The following PNPLA1 variants were observed in gnomAD, a reference collection of about 807,000 sequenced individuals.
PNPLA1 encodes patatin like domain 1, omega-hydroxyceramide transacylase.
Under a neutral mutation model 51.7 loss-of-function variants are expected in PNPLA1, and 36 were observed. That is an observed-to-expected ratio of 0.70 (90% CI 0.53 to 0.92). The LOEUF (loss-of-function observed/expected upper bound fraction) is 0.92, where lower values mean the gene tolerates loss of function less well. Among genes scored for constraint, PNPLA1 ranks in the 40% least tolerant of loss-of-function variants. PNPLA1 has a pLI of 0.00. For synonymous variants in PNPLA1, 293 were observed against 280.1 expected, an observed-to-expected ratio of 1.05 and a Z score of -0.46; for missense variants, 658 against 682.5, an observed-to-expected ratio of 0.96 and a Z score of 0.40.
At chr6:36,263,433 A>G (rs1769695915) in intron 1 of PNPLA1, among the ~76,000 whole-genome samples, 1 of 152,238 alleles carries the variant, frequency 6.6e-6, no homozygotes, top group Non-Finnish European at 1.5e-5. Flanking sequence ...AATGATGCCT[A>G]GCTTCACCAA....
intron 1 of PNPLA1, among the ~76,000 whole-genome samples, chr6:36,261,004 C>T (rs548865672): frequency 5.9e-5 from 9 of 151,966 alleles, no homozygotes; most frequent in Non-Finnish European, 1.2e-4. Context: ...TTTGTGTGTG[C>T]GTTTTGTAGA....
chr6:36,270,402 G>GCA lies in PNPLA1; in HGVS notation c.-58_-57insCA. On this transcript the variant is annotated 5_prime_UTR_variant, in exon 1 of 9. Coordinates refer to ENST00000636260, the MANE Select transcript of PNPLA1 (RefSeq NM_001374623.1). The stretch of plus-strand genomic sequence containing the variant: ...CTACAGGGAGCGGCAGCCCAGGCTC[G>GCA]GGCAGGCAAGTGCTGAAGGGTGGCT... The GCA allele has an allele frequency of 1.3e-6, 2 of 1,530,272 alleles. No homozygotes were observed. The highest frequency in any genetic ancestry group is 1.8e-6 in the Non-Finnish European group (2 of 1,129,994). 94.8% of individuals were successfully genotyped at this position (1,530,272 alleles called of 1,614,324 possible).
intron 1 of PNPLA1, among the ~76,000 whole-genome samples, chr6:36,286,601 G>C (rs1234032478): frequency 6.6e-6 from 1 of 151,934 alleles, no homozygotes; most frequent in African/African-American, 2.4e-5. Flanking sequence ...ATTTAAAAAA[G>C]AAAGACTCTC....
intron 1 of PNPLA1, among the ~76,000 whole-genome samples, chr6:36,246,414 C>G (rs192505557): frequency 9.6e-4 from 146 of 152,254 alleles, no homozygotes; most frequent in Non-Finnish European, 1.6e-3. Flanking sequence ...GTTGCCCAGG[C>G]CGATCTTGAA....
intron 1 of PNPLA1, among the ~76,000 whole-genome samples, chr6:36,281,045 C>G (rs1295257948): frequency 1.3e-5 from 2 of 152,178 alleles, no homozygotes; most frequent in African/African-American, 4.8e-5. Flanking sequence ...CGCCTGCCTC[C>G]GGCTCCCACA....
chr6:36,295,492 G>T, intron 5 of PNPLA1, 68 bp downstream of exon 5: 1 of 1,495,754 alleles, frequency 6.7e-7, no homozygotes, highest in Non-Finnish European at 9.3e-7. Context: ...CAGTAGAAGG[G>T]CTGAATGGAG....
At chr6:36,302,515 C>T (rs1403119018) in intron 6 of PNPLA1, 46 bp downstream of exon 6, 1 of 1,511,670 alleles carries the variant, frequency 6.6e-7, no homozygotes, top group South Asian at 1.3e-5. Flanking sequence ...GCCTGGAGCC[C>T]CTTGGCAAGC....
chr6:36,249,921 C>T (rs111297085), intron 1 of PNPLA1, among the ~76,000 whole-genome samples: 3,913 of 152,232 alleles, frequency 0.026, 75 homozygotes, highest in Non-Finnish European at 0.039. Context: ...GAACAGAAAA[C>T]GTGGTCAATA....
At chr6:36,287,606 C>A (rs1369881746) in intron 1 of PNPLA1, among the ~76,000 whole-genome samples, 1 of 152,146 alleles carries the variant, frequency 6.6e-6, no homozygotes, top group Non-Finnish European at 1.5e-5. Flanking sequence ...CAGCACCCAG[C>A]AATTGCTGTG....
chr6:36,291,597 G>GGGGGGGGGGA, intron 2 of PNPLA1, 45 bp downstream of exon 2: 1 of 532,586 alleles, frequency 1.9e-6, no homozygotes, highest in Non-Finnish European at 3.4e-6. Context: ...GGGGGCGGGG[G>GGGGGGGGGGA]AGGGCGGCTC....
chr6:36,261,718 G>A (rs7775107), intron 1 of PNPLA1, among the ~76,000 whole-genome samples: 64,362 of 152,030 alleles, frequency 0.42, 13,950 homozygotes, highest in East Asian at 0.56. Flanking sequence ...AGGCAAGTTT[G>A]ATTATTTTCC....
rs749091208 is a variant in PNPLA1, at chr6:36,307,674, A to G, written c.1557A>G (p.Pro519=). Residue 519 remains proline (P), a synonymous_variant, in exon 8 of 9, where the codon CCA becomes CCG. Transcript: ENST00000636260. The stretch of plus-strand genomic sequence containing the variant: ...CAAGTGGCACCAGAAAAGGCTTCCC[A>G]AGACATTCGGGATCCAAAAAACCAA... ...QKTSGTRKGF[P]RHSGSKKPSS... 20 of 1,613,968 alleles carry G rather than the reference A, an allele frequency of 1.2e-5. No individual in the cohort carries two copies. The Admixed American group carries it at 3.0e-4, about 24-fold the overall frequency.
At chr6:36,308,103 A>C (rs1165716475) in intron 8 of PNPLA1, 1 of 156,034 alleles carries the variant, frequency 6.4e-6, no homozygotes, top group African/African-American at 2.4e-5. Context: ...CAGGCCAGGC[A>C]TGGTGGCTCA....
rs185040013 is a variant in PNPLA1, at chr6:36,252,907, G to A, written c.-81+9646G>A. Among the ~76,000 whole-genome samples, 242 of 152,318 alleles carry A rather than the reference G, an allele frequency of 1.6e-3. 3 individuals are homozygous for A. The highest frequency in any genetic ancestry group is 4.7e-3 in the African/African-American group (197 of 41,568). ...GACGAAAGGCAATAGAGGGCCGGGCGTGGTGGCTCACGCCTGTAATTCCAG... is the reference window on the plus strand; with the variant it reads ...GACGAAAGGCAATAGAGGGCCGGGCATGGTGGCTCACGCCTGTAATTCCAG... On this transcript the variant is annotated intron_variant, in intron 1 of 7. Transcript: ENST00000312917.
intron 1 of PNPLA1, among the ~76,000 whole-genome samples, chr6:36,273,344 G>T (rs1424080109): frequency 6.6e-6 from 1 of 152,050 alleles, no homozygotes; most frequent in African/African-American, 2.4e-5. Flanking sequence ...CCCTCCTCTA[G>T]CCAGTGTTAA....
chr6:36,261,591 C>T (rs771072508), intron 1 of PNPLA1, among the ~76,000 whole-genome samples: 7 of 152,258 alleles, frequency 4.6e-5, no homozygotes, highest in Middle Eastern at 3.2e-3. Context: ...TCTTCGTGCA[C>T]TGACCATATC....
At chr6:36,285,807 C>G (rs1407754551) in intron 1 of PNPLA1, among the ~76,000 whole-genome samples, 1 of 152,128 alleles carries the variant, frequency 6.6e-6, no homozygotes, top group Non-Finnish European at 1.5e-5. Context: ...CCCTTTTCTT[C>G]CCCCTTTGAT....
In PNPLA1 at chr6:36,302,526, G is replaced by A. The variant is rs371814811; in HGVS notation, c.1384+57G>A. On this transcript the variant is annotated intron_variant, in intron 6 of 8. Coordinates refer to ENST00000636260, the MANE Select transcript of PNPLA1 (RefSeq NM_001374623.1). ...TCATGCCTGGAGCCCCTTGGCAAGC[G>A]AGCAAGGACACCAGGGCTGATAACC... 6 of 1,510,026 alleles carry A rather than the reference G, an allele frequency of 4.0e-6. No individual in the cohort carries two copies. The African/African-American group carries it at 7.0e-5, about 18-fold the overall frequency. The allele number at this position is 1,510,026 out of a possible 1,614,324, so 93.5% of individuals were successfully genotyped here.
intron 1 of PNPLA1, among the ~76,000 whole-genome samples, chr6:36,272,470 G>C (rs549023932): frequency 1.3e-5 from 2 of 152,232 alleles, no homozygotes; most frequent in South Asian, 2.1e-4. Flanking sequence ...CCACAGACCC[G>C]GGGCCATGGC....
Sources: gnomAD v4.1 joint callset for allele counts (sites outside exome capture counted in the v4.1 genomes callset) on GRCh38, gnomAD v4.1.1 for gene constraint, MANE v1.5 for transcripts, NCBI Gene and HGNC (gene_info 2026-07-23, HGNC 2026-07-21) for gene names.